The following RWDD1 variants were observed in gnomAD, a reference collection of about 807,000 sequenced individuals.
The protein encoded by RWDD1 is RWD domain-containing protein 1.
A neutral mutation model predicts 31.6 loss-of-function variants in RWDD1; 17 were observed. That is an observed-to-expected ratio of 0.54 (90% CI 0.37 to 0.81). RWDD1 has a LOEUF of 0.81. Among genes scored for constraint, RWDD1 ranks in the 30% least tolerant of loss-of-function variants. The pLI, the probability that RWDD1 is intolerant of heterozygous loss-of-function variation, is 0.00. For missense variants in RWDD1, 204 were observed against 274.5 expected (o/e 0.74, Z 1.82); for synonymous variants, 78 against 94.2 (o/e 0.83, Z 0.99).
intron 2 of RWDD1, among the ~76,000 whole-genome samples, chr6:116,584,400 ATGT>A (rs1484315019): frequency 6.6e-6 from 1 of 152,170 alleles, no homozygotes; most frequent in Non-Finnish European, 1.5e-5. Context: ...TTTTAAAAAT[ATGT>A]TGTATTCAGT....
chr6:116,590,737 C>A, intron 5 of RWDD1, 151 bp from the exon 6 acceptor site: 2 of 1,277,222 alleles, frequency 1.6e-6, no homozygotes, highest in Non-Finnish European at 2.1e-6. Context: ...AATGCAGATA[C>A]ATTTCATATG....
intron 6 of RWDD1, among the ~76,000 whole-genome samples, chr6:116,592,102 A>G (rs191960304): frequency 9.9e-5 from 15 of 152,246 alleles, no homozygotes; most frequent in Admixed American, 2.0e-4. Context: ...TAATCATACA[A>G]TTTCTCTCCT....
At chr6:116,588,377 C>T (rs530794673) in intron 3 of RWDD1, among the ~76,000 whole-genome samples, 23 of 151,664 alleles carry the variant, frequency 1.5e-4, no homozygotes, top group South Asian at 1.5e-3. Flanking sequence ...TTCATGAGTT[C>T]GAGATTTTTT....
intron 5 of RWDD1, 139 bp downstream of exon 5, chr6:116,590,543 C>A: frequency 9.2e-7 from 1 of 1,087,692 alleles, no homozygotes. Context: ...ACATATCTAC[C>A]AGATGATGTT....
At position 116,593,162 on chromosome 6, in the gene RWDD1, G is replaced by A. The variant is rs879170625; in HGVS notation, c.*61G>A. 7 of 1,454,628 alleles carry A rather than the reference G, an allele frequency of 4.8e-6. No homozygotes were observed. The highest frequency in any genetic ancestry group is 4.5e-5 in the South Asian group (3 of 67,022). The allele number at this position is 1,454,628 out of a possible 1,614,324, so 90.1% of individuals were successfully genotyped here. A position where few individuals can be genotyped will look rare whatever the true frequency, so the allele number is the denominator to read the frequency against. ...ACAGCATCTGTGGCTATGCTCAGAG[G>A]GTTATGATTTTCCTTTCTTTTTTTC... On this transcript the variant is annotated 3_prime_UTR_variant, in exon 7 of 7. Coordinates refer to ENST00000466444, the MANE Select transcript of RWDD1 (RefSeq NM_015952.4).
At chr6:116,579,889 A>G (rs967918296) in intron 1 of RWDD1, among the ~76,000 whole-genome samples, 13 of 152,214 alleles carry the variant, frequency 8.5e-5, no homozygotes, top group African/African-American at 2.4e-4. Flanking sequence ...CTCACAATAT[A>G]TAAGTATAAA....
At chr6:116,578,885 CT>C (rs34666862) in intron 1 of RWDD1, among the ~76,000 whole-genome samples, 1 of 151,464 alleles carries the variant, frequency 6.6e-6, no homozygotes, top group Non-Finnish European at 1.5e-5. Flanking sequence ...TTGGGGTTTT[CT>C]TTTTTTTGAG....
chr6:116,582,403 TA>T (rs577793654), intron 2 of RWDD1, among the ~76,000 whole-genome samples: 162 of 152,214 alleles, frequency 1.1e-3, no homozygotes, highest in Admixed American at 1.4e-3. Flanking sequence ...TATAAAGCTC[TA>T]TTCATAGAAA....
rs1466159151 is a variant in RWDD1, at chr6:116,596,135, C to T, written c.*3034C>T. On this transcript the variant is annotated 3_prime_UTR_variant, in exon 7 of 7. Coordinates refer to ENST00000466444, the MANE Select transcript of RWDD1 (RefSeq NM_015952.4). ...AAAGTAAGTGAACTACTTCACATAG[C>T]TCTTAATGTTTGTCTTTCAGAGGAC... The T allele has an allele frequency of 6.6e-6, 1 of 152,210 alleles. No individual in the cohort carries two copies. The highest frequency in any genetic ancestry group is 6.5e-5 in the Admixed American group (1 of 15,276). 9.4% of individuals were successfully genotyped at this position (152,210 alleles called of 1,614,324 possible). A position where few individuals can be genotyped will look rare whatever the true frequency, so the allele number is the denominator to read the frequency against.
chr6:116,596,884 G>A lies in RWDD1; in HGVS notation c.*3783G>A, dbSNP rs1258236199. 1 of 151,292 alleles carries A rather than the reference G, an allele frequency of 6.6e-6. No homozygotes were observed. The highest frequency in any genetic ancestry group is 1.9e-4 in the East Asian group (1 of 5,172). The allele number at this position is 151,292 out of a possible 1,614,324, so 9.4% of individuals were successfully genotyped here. A position where few individuals can be genotyped will look rare whatever the true frequency, so the allele number is the denominator to read the frequency against. On this transcript the variant is annotated 3_prime_UTR_variant, in exon 7 of 7. Coordinates refer to ENST00000466444, the MANE Select transcript of RWDD1 (RefSeq NM_015952.4). ...GAAGGGAAGAAAAAAAAATTAATTC[G>A]GCCATGAATTTTAATATTCTGGCCA...
chr6:116,574,835 A>T (rs894874431), intron 1 of RWDD1, among the ~76,000 whole-genome samples: 1 of 139,638 alleles, frequency 7.2e-6, no homozygotes, highest in Admixed American at 7.6e-5. Flanking sequence ...CAGTGCCCCA[A>T]TCAGCTCACT....
chr6:116,582,806 C>T (rs1431013613), intron 2 of RWDD1, among the ~76,000 whole-genome samples: 1 of 151,528 alleles, frequency 6.6e-6, no homozygotes, highest in Non-Finnish European at 1.5e-5. Flanking sequence ...CCAGTTTTTT[C>T]TTTTTCTAGT....
chr6:116,592,703 CT>C (rs1322980334), intron 6 of RWDD1, among the ~76,000 whole-genome samples: 6 of 152,154 alleles, frequency 3.9e-5, no homozygotes, highest in Non-Finnish European at 7.4e-5. Context: ...TTATCCTTGT[CT>C]TCAACATATA....
intron 1 of RWDD1, among the ~76,000 whole-genome samples, chr6:116,579,932 T>A (rs1774918680): frequency 6.6e-6 from 1 of 152,190 alleles, no homozygotes; most frequent in African/African-American, 2.4e-5. Flanking sequence ...GTGGGTAGTT[T>A]CAGGTGAGAA....
chr6:116,582,044 T>A (rs975130590), intron 2 of RWDD1, among the ~76,000 whole-genome samples: 19 of 152,072 alleles, frequency 1.2e-4, no homozygotes, highest in African/African-American at 4.6e-4. Flanking sequence ...AGCAAAATTT[T>A]ATCCATCTAT....
chr6:116,589,145 C>T (rs981633804), intron 4 of RWDD1, among the ~76,000 whole-genome samples, 160 bp downstream of exon 4: 1 of 151,824 alleles, frequency 6.6e-6, no homozygotes, highest in African/African-American at 2.4e-5. Context: ...AGAAGTCCCT[C>T]ATTTGGTTGG....
chr6:116,575,777 C>T lies in RWDD1; in HGVS notation c.73+4122C>T, dbSNP rs1774829139. ...TCTTCTAATGTAGCTCTCTGTCATC[C>T]CTAAGATGTAGTCTTACACTCGTGG... is the stretch of plus-strand genomic sequence containing the variant. On this transcript the variant is annotated intron_variant, in intron 1 of 6. Transcript: ENST00000466444. Among the ~76,000 whole-genome samples, 3 of 152,248 alleles carry T rather than the reference C, an allele frequency of 2.0e-5. No individual in the cohort carries two copies. In the South Asian group the frequency reaches 6.2e-4, roughly 32 times the overall value.
rs1442512710 is a variant in RWDD1 at position 116,593,930 on chromosome 6, GCAAGACTCCGTCT to G, written c.*833_*845del. Reference sequence around the variant, plus strand: ...ACTGCACTCCAGCCTGGGCAACAGAGCAAGACTCCGTCTCAAAAAAAAAAAAAAGGTTTATTTG... The same window carrying G: ...ACTGCACTCCAGCCTGGGCAACAGAGCAAAAAAAAAAAAAAGGTTTATTTG... On this transcript the variant is annotated 3_prime_UTR_variant, in exon 7 of 7. Coordinates refer to ENST00000466444, the MANE Select transcript of RWDD1 (RefSeq NM_015952.4). 6.6e-6 allele frequency: 1 copy of G among 150,976 alleles called. No homozygotes were observed. Among genetic ancestry groups the G allele is most frequent in the Non-Finnish European group, 1.5e-5 (1 of 67,932 alleles). The allele number at this position is 150,976 out of a possible 1,614,324, so 9.4% of individuals were successfully genotyped here. A position where few individuals can be genotyped will look rare whatever the true frequency, so the allele number is the denominator to read the frequency against.
At chr6:116,571,720 C>T in intron 1 of RWDD1, 65 bp downstream of exon 1, 1 of 1,461,038 alleles carries the variant, frequency 6.8e-7, no homozygotes, top group South Asian at 1.2e-5. Flanking sequence ...GGAGCTGCCG[C>T]AGCTCTGGGC....
Sources: gnomAD v4.1 joint callset for allele counts (sites outside exome capture counted in the v4.1 genomes callset) on GRCh38, gnomAD v4.1.1 for gene constraint, MANE v1.5 for transcripts, NCBI Gene and HGNC (gene_info 2026-07-23, HGNC 2026-07-21) for gene names.